NRG1: variants seen among roughly 807,000 people sequenced by gnomAD.
NRG1 encodes the protein pro-neuregulin-1, membrane-bound isoform.
In NRG1, 18 loss-of-function variants were observed where a neutral mutation model predicts 63.8. That is an observed-to-expected ratio of 0.28 (90% CI 0.19 to 0.42). The LOEUF (loss-of-function observed/expected upper bound fraction) is 0.42, where lower values mean the gene tolerates loss of function less well. Among genes scored for constraint, NRG1 ranks in the 10% least tolerant of loss-of-function variants. The pLI is 1.00. For missense variants in NRG1, 762 were observed against 814.7 expected (o/e 0.94, Z 0.79); for synonymous variants, 302 against 301.3 (o/e 1.00, Z -0.02).
rs78335946 is a variant in NRG1 at position 31,639,878 on chromosome 8, G to A, written c.37+447G>A. On this transcript the variant is annotated intron_variant, in intron 1 of 10. Transcript: ENST00000519301. ...AAATAAATAAAAGGAGGAGGGCAAG[G>A]GGGGAGGAGGAGGAGTGGTGCTGCG... The A allele has an allele frequency of 6.4e-6, 7 of 1,094,314 alleles. No homozygotes were observed. In the Middle Eastern group the frequency reaches 7.6e-4, roughly 120 times the overall value. The allele number at this position is 1,094,314 out of a possible 1,614,324, so 67.8% of individuals were successfully genotyped here. A position where few individuals can be genotyped will look rare whatever the true frequency, so the allele number is the denominator to read the frequency against.
At position 32,100,148 on chromosome 8, in the gene NRG1, C is replaced by A. The variant is rs1273647411; in HGVS notation, c.37+460717C>A. Among the ~76,000 whole-genome samples the A allele has an allele frequency of 3.9e-5, 6 of 152,138 alleles. No individual in the cohort carries two copies. The East Asian group carries it at 1.2e-3, about 29-fold the overall frequency. On this transcript the variant is annotated intron_variant, in intron 1 of 10. Transcript: ENST00000519301. The stretch of plus-strand genomic sequence containing the variant: ...CCTCCTTCCCTCTGCCTCCTCTCTT[C>A]TTCCTCCTTTCTGCCTTTACTTTAT...
chr8:32,133,516 TA>T (rs1835121775), intron 1 of NRG1, among the ~76,000 whole-genome samples: 1 of 152,178 alleles, frequency 6.6e-6, no homozygotes, highest in African/African-American at 2.4e-5. Flanking sequence ...TTCAAATAGC[TA>T]TTGGTTTGGA....
chr8:32,087,278 T>C (rs976835940), intron 1 of NRG1, among the ~76,000 whole-genome samples: 2 of 151,970 alleles, frequency 1.3e-5, no homozygotes, highest in Non-Finnish European at 2.9e-5. Flanking sequence ...TGCTCTGAGT[T>C]CATGTGAGAT....
At chr8:31,892,642 G>T (rs1831244287) in intron 1 of NRG1, among the ~76,000 whole-genome samples, 1 of 151,982 alleles carries the variant, frequency 6.6e-6, no homozygotes, top group Non-Finnish European at 1.5e-5. Context: ...ATCTCTGGGG[G>T]TTTGATAATC....
At chr8:31,976,277 C>G (rs537415562) in intron 1 of NRG1, among the ~76,000 whole-genome samples, 4 of 152,250 alleles carry the variant, frequency 2.6e-5, no homozygotes, top group African/African-American at 9.6e-5. Flanking sequence ...CAGTAGATGC[C>G]TAGCTGATTT....
chr8:32,709,101 A>G (rs1185061348), intron 5 of NRG1, among the ~76,000 whole-genome samples: 1 of 152,052 alleles, frequency 6.6e-6, no homozygotes, highest in East Asian at 1.9e-4. Context: ...GACATTAAAC[A>G]CTCTTCCTAA....
chr8:32,665,880 G>A (rs1212636992), intron 5 of NRG1, among the ~76,000 whole-genome samples: 2 of 152,126 alleles, frequency 1.3e-5, no homozygotes, highest in East Asian at 3.8e-4. Flanking sequence ...TACTTCTAGT[G>A]ATTAAAACAA....
chr8:31,991,481 T>C (rs1438752678), intron 1 of NRG1, among the ~76,000 whole-genome samples: 1 of 151,998 alleles, frequency 6.6e-6, no homozygotes, highest in African/African-American at 2.4e-5. Flanking sequence ...GTCCAAGCAC[T>C]GTCTGGGGTC....
chr8:32,338,277 G>T (rs1803592998), intron 1 of NRG1, among the ~76,000 whole-genome samples: 1 of 152,182 alleles, frequency 6.6e-6, no homozygotes, highest in East Asian at 1.9e-4. Context: ...ATCACCGGAA[G>T]TTGACAGCTT....
chr8:31,892,385 A>G (rs1831221129), intron 1 of NRG1, among the ~76,000 whole-genome samples: 1 of 152,096 alleles, frequency 6.6e-6, no homozygotes, highest in African/African-American at 2.4e-5. Flanking sequence ...AGAAAAAGGT[A>G]GTATTAAAGG....
intron 1 of NRG1, among the ~76,000 whole-genome samples, chr8:32,286,098 T>C (rs1853487622): frequency 6.6e-6 from 1 of 152,222 alleles, no homozygotes; most frequent in Admixed American, 6.5e-5. Flanking sequence ...GAAAGTTATA[T>C]AGAGGAATGC....
rs569232687 is a variant in NRG1, at chr8:31,942,401, T to C, written c.37+302970T>C. Among the ~76,000 whole-genome samples, 44 of 152,222 alleles carry C rather than the reference T, an allele frequency of 2.9e-4. No homozygotes were observed. The South Asian group carries it at 4.1e-3, about 14-fold the overall frequency. Reference sequence around the variant, plus strand: ...AAAAATCAACTCAAGATGGATCATATACTTAAATCTAAGATGTGAAACCAT... The same window carrying C: ...AAAAATCAACTCAAGATGGATCATACACTTAAATCTAAGATGTGAAACCAT... On this transcript the variant is annotated intron_variant, in intron 1 of 10. Transcript: ENST00000519301.
At chr8:32,036,056 T>C (rs768498955) in intron 1 of NRG1, among the ~76,000 whole-genome samples, 4 of 152,212 alleles carry the variant, frequency 2.6e-5, no homozygotes, top group Non-Finnish European at 5.9e-5. Flanking sequence ...TGTGTTTTTA[T>C]AGTGGCTGGT....
chr8:32,303,207 A>AG (rs1855803720), intron 1 of NRG1, among the ~76,000 whole-genome samples: 1 of 146,760 alleles, frequency 6.8e-6, no homozygotes, highest in East Asian at 1.9e-4. Flanking sequence ...AAAAAAAAAA[A>AG]GAGAAAAGAA....
chr8:32,329,640 T>C (rs370926413), intron 1 of NRG1, among the ~76,000 whole-genome samples: 1 of 152,268 alleles, frequency 6.6e-6, no homozygotes, highest in East Asian at 1.9e-4. Flanking sequence ...CTCTTGGGAA[T>C]TATAGGCTTA....
chr8:32,464,533 A>C (rs1822811921), intron 1 of NRG1, among the ~76,000 whole-genome samples: 1 of 152,180 alleles, frequency 6.6e-6, no homozygotes, highest in South Asian at 2.1e-4. Context: ...TGTAGTTCAT[A>C]CTGCAAAAAG....
At chr8:31,872,360 A>T (rs1313942640) in intron 1 of NRG1, among the ~76,000 whole-genome samples, 1 of 152,020 alleles carries the variant, frequency 6.6e-6, no homozygotes, top group African/African-American at 2.4e-5. Flanking sequence ...TCTTGTTCCA[A>T]CTACATCAGA....
chr8:31,916,891 G>A, intron 1 of NRG1, among the ~76,000 whole-genome samples: 1 of 151,668 alleles, frequency 6.6e-6, no homozygotes, highest in African/African-American at 2.4e-5. Flanking sequence ...TTTAATGATT[G>A]CCATTGTAAC....
chr8:32,099,360 T>C (rs1173968127), intron 1 of NRG1: 1 of 152,522 alleles, frequency 6.6e-6, no homozygotes, highest in Non-Finnish European at 1.5e-5. Flanking sequence ...TTTTGGTTTC[T>C]CCTGCTCCCA....
Sources: allele counts gnomAD v4.1 joint callset (sites outside exome capture counted in the v4.1 genomes callset), GRCh38; gene constraint gnomAD v4.1.1; transcripts MANE v1.5; gene names NCBI Gene and HGNC (gene_info 2026-07-23, HGNC 2026-07-21).